The following EFCAB5 variants were observed in gnomAD, a reference collection of about 807,000 sequenced individuals.
EFCAB5 encodes the protein EF-hand calcium-binding domain-containing protein 5.
EFCAB5 carries 131 observed loss-of-function variants against 167.9 expected under a neutral mutation model. That is an observed-to-expected ratio of 0.78 (90% CI 0.68 to 0.90). The LOEUF is 0.90. Ranked by LOEUF, EFCAB5 falls within the 40% of genes least tolerant of loss-of-function variation. The pLI is 0.00. For synonymous variants in EFCAB5, 574 were observed against 602.8 expected, an observed-to-expected ratio of 0.95 and a Z score of 0.70; for missense variants, 1,663 against 1,745.2, an observed-to-expected ratio of 0.95 and a Z score of 0.84.
chr17:29,987,896 G>A (rs1455860128), intron 4 of EFCAB5, among the ~76,000 whole-genome samples: 1 of 152,160 alleles, frequency 6.6e-6, no homozygotes, highest in Admixed American at 6.5e-5. Flanking sequence ...GAGAAAAGGT[G>A]TCCACACATA....
chr17:30,015,920 A>G (rs1361213207), intron 7 of EFCAB5, among the ~76,000 whole-genome samples: 1 of 152,030 alleles, frequency 6.6e-6, no homozygotes, highest in Non-Finnish European at 1.5e-5. Context: ...CTGGGATTAC[A>G]GGTGCTTGCC....
intron 3 of EFCAB5, among the ~76,000 whole-genome samples, chr17:29,944,805 T>C (rs1273873050): frequency 6.6e-6 from 1 of 152,024 alleles, no homozygotes; most frequent in Non-Finnish European, 1.5e-5. Context: ...GTATTTTTAA[T>C]AGAGATGGGG....
chr17:29,947,299 T>A (rs2067422451), intron 3 of EFCAB5, among the ~76,000 whole-genome samples: 2 of 152,154 alleles, frequency 1.3e-5, no homozygotes, highest in South Asian at 2.1e-4. Context: ...TTATTCTAAG[T>A]GAAGTAACTC....
rs2070078225 is a variant in EFCAB5, at chr17:30,051,050, A to G, written c.1201-68A>G. ...GTGATGATAAAAGCTTCAATAAGCC[A>G]CGTTCCAACTGCATAAAAATCTTAA... On this transcript the variant is annotated intron_variant, in intron 8 of 22. Transcript: ENST00000394835. The G allele has an allele frequency of 3.7e-6, 5 of 1,342,508 alleles. 1 individual carries two copies. Among genetic ancestry groups the G allele is most frequent in the Non-Finnish European group, 2.1e-6 (2 of 944,980 alleles). The allele number at this position is 1,342,508 out of a possible 1,614,324, so 83.2% of individuals were successfully genotyped here. A position where few individuals can be genotyped will look rare whatever the true frequency, so the allele number is the denominator to read the frequency against.
chr17:30,042,070 G>A (rs539733888), intron 8 of EFCAB5, among the ~76,000 whole-genome samples: 8 of 151,712 alleles, frequency 5.3e-5, no homozygotes, highest in South Asian at 4.2e-4. Flanking sequence ...GTGCAGTGGC[G>A]CAGTCTTGGC....
intron 18 of EFCAB5, among the ~76,000 whole-genome samples, chr17:30,086,032 G>A (rs1342964825): frequency 6.6e-6 from 1 of 151,974 alleles, no homozygotes; most frequent in Non-Finnish European, 1.5e-5. Flanking sequence ...GTCTCACTCT[G>A]TTGCCCAGGC....
intron 3 of EFCAB5, among the ~76,000 whole-genome samples, chr17:29,960,712 T>A (rs986967742): frequency 6.6e-6 from 1 of 152,188 alleles, no homozygotes; most frequent in African/African-American, 2.4e-5. Context: ...TTTTACTGAT[T>A]ATGTATACTG....
At chr17:29,940,309 T>C (rs894566829), upstream of EFCAB5, among the ~76,000 whole-genome samples, 1 of 152,276 alleles carries the variant, frequency 6.6e-6, no homozygotes, top group African/African-American at 2.4e-5. Context: ...ACTCCTGACC[T>C]CAGGTGATCC....
In EFCAB5 at chr17:30,090,574, A is replaced by C. The variant is rs780505938; in HGVS notation, c.3837A>C (p.Gln1279His). Residue 1279 changes from glutamine to histidine, a missense_variant, in exon 20 of 23, where the codon CAA becomes CAC. By Grantham distance (24) the Gln-to-His change is conservative (BLOSUM62 0). Transcript: ENST00000394835. Reference sequence around the variant, plus strand: ...GCCAAAATAGGATGTTGTTGTGTCAAGAATATAAAGATCTACAGAAAATGA... The same window carrying C: ...GCCAAAATAGGATGTTGTTGTGTCACGAATATAAAGATCTACAGAAAATGA... The part of the protein sequence containing the change: ...NIGQNRMLLC[Q>H]EYKDLQKMMK... 24 of 1,613,888 alleles carry C rather than the reference A, an allele frequency of 1.5e-5. No individual in the cohort carries two copies. The highest frequency in any genetic ancestry group is 2.0e-5 in the Non-Finnish European group (24 of 1,179,896).
intron 4 of EFCAB5, among the ~76,000 whole-genome samples, chr17:29,978,620 G>A (rs1242111791): frequency 6.6e-6 from 1 of 152,190 alleles, no homozygotes; most frequent in Non-Finnish European, 1.5e-5. Flanking sequence ...TGTTCCTAAT[G>A]TTAGAGACTG....
chr17:30,103,575 C>A (rs560638212), intron 22 of EFCAB5, among the ~76,000 whole-genome samples: 101 of 152,112 alleles, frequency 6.6e-4, no homozygotes, highest in Non-Finnish European at 9.6e-4. Flanking sequence ...TTTAACTCCC[C>A]GTGTAACATT....
intron 1 of EFCAB5, among the ~76,000 whole-genome samples, chr17:29,933,534 C>T (rs1247859974): frequency 1.3e-5 from 2 of 152,144 alleles, no homozygotes; most frequent in African/African-American, 4.8e-5. Flanking sequence ...AGGCCAAGAG[C>T]AGGATTCCCA....
At chr17:29,999,777 A>G in intron 6 of EFCAB5, 129 bp from the exon 7 acceptor site, 1 of 560,972 alleles carries the variant, frequency 1.8e-6, no homozygotes, top group Non-Finnish European at 2.9e-6. Flanking sequence ...TATGTAATTC[A>G]CTTTATTGTA....
intron 7 of EFCAB5, among the ~76,000 whole-genome samples, chr17:30,011,940 T>C (rs1341163793): frequency 1.3e-5 from 2 of 152,228 alleles, no homozygotes; most frequent in African/African-American, 4.8e-5. Context: ...GTAGTACTTA[T>C]TCTTTATTCC....
intron 22 of EFCAB5, among the ~76,000 whole-genome samples, chr17:30,103,011 G>T (rs1013403644): frequency 6.6e-6 from 1 of 151,374 alleles, no homozygotes; most frequent in African/African-American, 2.4e-5. Flanking sequence ...GCTAATTTTT[G>T]TATTTTTTGT....
chr17:30,040,536 A>G (rs2069742663), intron 8 of EFCAB5, among the ~76,000 whole-genome samples: 1 of 152,228 alleles, frequency 6.6e-6, no homozygotes, highest in Admixed American at 6.5e-5. Context: ...AGTAGCCTCA[A>G]TTCTTACCTC....
At chr17:30,089,167 A>G (rs1264033688) in intron 19 of EFCAB5, among the ~76,000 whole-genome samples, 1 of 150,588 alleles carries the variant, frequency 6.6e-6, no homozygotes. Context: ...TTCAATTCCC[A>G]CCTATGAGTG....
chr17:30,095,759 C>A (rs1000585155), intron 22 of EFCAB5, among the ~76,000 whole-genome samples: 6 of 152,234 alleles, frequency 3.9e-5, no homozygotes, highest in Non-Finnish European at 7.3e-5. Context: ...CCAAAATGGA[C>A]AACCAGACAC....
intron 4 of EFCAB5, among the ~76,000 whole-genome samples, chr17:29,991,722 A>C (rs533288812): frequency 6.6e-6 from 1 of 152,274 alleles, no homozygotes; most frequent in South Asian, 2.1e-4. Context: ...TTTTGGGGTC[A>C]GTTTATGGCC....
Sources: gnomAD v4.1 joint callset for allele counts (sites outside exome capture counted in the v4.1 genomes callset) on GRCh38, gnomAD v4.1.1 for gene constraint, MANE v1.5 for transcripts, NCBI Gene and HGNC (gene_info 2026-07-23, HGNC 2026-07-21) for gene names.